RANBP17: variants seen among roughly 807,000 people sequenced by gnomAD.
RANBP17 encodes ran-binding protein 17.
In RANBP17, 158 loss-of-function variants were observed where a neutral mutation model predicts 141.2. The observed-to-expected ratio is 1.12, with a 90% CI of 0.98 to 1.28. The LOEUF is 1.28. Ranked by LOEUF, RANBP17 falls within the 50% of genes most tolerant of loss-of-function variation. The pLI, the probability that RANBP17 is intolerant of heterozygous loss-of-function variation, is 0.00. For missense variants in RANBP17, 1,438 were observed against 1,290.7 expected, an observed-to-expected ratio of 1.11 and a Z score of -1.75; for synonymous variants, 430 against 450.0, an observed-to-expected ratio of 0.96 and a Z score of 0.56.
intron 25 of RANBP17, 129 bp from the exon 26 acceptor site, chr5:171,293,754 G>T: frequency 1.4e-6 from 1 of 720,168 alleles, no homozygotes; most frequent in Non-Finnish European, 2.5e-6. Context: ...AGTCTAGTCC[G>T]TTTGTCCAGA....
chr5:171,243,636 C>G (rs747661755), intron 24 of RANBP17, among the ~76,000 whole-genome samples: 3 of 152,154 alleles, frequency 2.0e-5, no homozygotes, highest in Non-Finnish European at 4.4e-5. Context: ...ATTTTGCTGT[C>G]ACCAACAGTA....
intron 25 of RANBP17, among the ~76,000 whole-genome samples, chr5:171,272,331 C>T (rs1014728644): frequency 2.0e-5 from 3 of 151,844 alleles, no homozygotes; most frequent in Non-Finnish European, 4.4e-5. Flanking sequence ...TACATGTACC[C>T]CGAACCTAAA....
chr5:171,114,033 ATT>A (rs1287988742), intron 14 of RANBP17, among the ~76,000 whole-genome samples: 1 of 152,046 alleles, frequency 6.6e-6, no homozygotes, highest in African/African-American at 2.4e-5. Context: ...CATGCCATAC[ATT>A]TATTATTTTA....
intron 19 of RANBP17, among the ~76,000 whole-genome samples, chr5:171,201,061 A>G (rs1762267048): frequency 1.3e-5 from 2 of 152,232 alleles, no homozygotes. Flanking sequence ...GTTGAAAAAC[A>G]TCATCTTTAT....
chr5:171,063,782 C>A (rs2127678461), intron 14 of RANBP17, among the ~76,000 whole-genome samples: 1 of 152,340 alleles, frequency 6.6e-6, no homozygotes, highest in South Asian at 2.1e-4. Context: ...CCTACAGAGG[C>A]AGGCAGGCTT....
chr5:171,183,511 A>G, intron 18 of RANBP17, 81 bp downstream of exon 18: 1 of 862,672 alleles, frequency 1.2e-6, no homozygotes, highest in South Asian at 1.5e-5. Context: ...ACTAGTGGGT[A>G]CAACATTTAA....
Position 170,881,806 on chromosome 5 carries a change from A to G in RANBP17, c.166A>G (p.Thr56Ala), listed in dbSNP as rs369529326. 1.9e-6 allele frequency: 3 copies of G among 1,568,486 alleles called. No individual in the cohort carries two copies. Among genetic ancestry groups the G allele is most frequent in the African/African-American group, 2.7e-5 (2 of 73,438 alleles). The change falls in exon 3 of 28, where the codon ACA becomes GCA. Residue 56 changes from threonine (T) to alanine (A), a missense_variant and splice_region_variant. By Grantham distance (58) the Thr-to-Ala change is moderately conservative. Coordinates refer to ENST00000523189, the MANE Select transcript of RANBP17 (RefSeq NM_022897.5). The stretch of plus-strand genomic sequence containing the variant: ...TAATAAATAAAATTATTCTTTACAG[A>G]CATCCTATGCTCAGCTCCTTGCAGC... ...KCQLLLEQGT[T>A]SYAQLLAATC... is the part of the protein sequence containing the mutation.
intron 14 of RANBP17, among the ~76,000 whole-genome samples, chr5:171,120,632 G>T (rs2127772556): frequency 6.6e-6 from 1 of 152,230 alleles, no homozygotes; most frequent in East Asian, 1.9e-4. Flanking sequence ...TTCTTGAATT[G>T]TCTAGCTGTA....
chr5:171,184,530 AAG>A (rs35631674), intron 18 of RANBP17, among the ~76,000 whole-genome samples: 87,040 of 151,834 alleles, frequency 0.57, 25,938 homozygotes, highest in South Asian at 0.76. Flanking sequence ...TAGAAAGAAT[AAG>A]AGATCTGTTG....
chr5:171,033,808 A>G (rs1781698019), intron 14 of RANBP17, among the ~76,000 whole-genome samples: 2 of 152,120 alleles, frequency 1.3e-5, no homozygotes, highest in Admixed American at 6.6e-5. Context: ...CTGACTTTGG[A>G]GATAAGATTG....
At chr5:170,919,866 T>C (rs903730958) in intron 11 of RANBP17, among the ~76,000 whole-genome samples, 6 of 151,670 alleles carry the variant, frequency 4.0e-5, no homozygotes, top group Non-Finnish European at 8.8e-5. Context: ...CTGTTTTGTG[T>C]ACCTGTAATT....
intron 14 of RANBP17, among the ~76,000 whole-genome samples, chr5:171,000,753 AC>A (rs1779146382): frequency 2.0e-5 from 3 of 152,154 alleles, no homozygotes; most frequent in African/African-American, 4.8e-5. Flanking sequence ...GCAATGTTTT[AC>A]GGGCAGGGGG....
At chr5:171,276,625 T>G (rs193052130) in intron 25 of RANBP17, among the ~76,000 whole-genome samples, 221 of 152,274 alleles carry the variant, frequency 1.5e-3, no homozygotes, top group African/African-American at 5.2e-3. Context: ...TATCTACAGT[T>G]TAGCTATTAG....
At chr5:171,152,124 A>G (rs544079706) in intron 14 of RANBP17, among the ~76,000 whole-genome samples, 2 of 152,236 alleles carry the variant, frequency 1.3e-5, no homozygotes, top group Non-Finnish European at 2.9e-5. Flanking sequence ...AAAGGGCCCC[A>G]GAAGCTGGGC....
chr5:170,896,086 C>A lies in RANBP17; in HGVS notation c.460C>A (p.Leu154Ile). The change falls in exon 5 of 28, where the codon CTT (leucine) becomes ATT (isoleucine). Residue 154 changes from leucine (L) to isoleucine (I), a missense_variant. Leu to Ile is a conservative substitution (Grantham distance 5). Coordinates refer to ENST00000523189, the MANE Select transcript of RANBP17 (RefSeq NM_022897.5). ...VEHCIIGVII[L>I]SELTQEMNLV... ...ACACTGCATAATAGGAGTAATAATC[C>A]TTTCTGAATTGACTCAGGAAATGAA... 2 of 1,608,320 alleles carry A rather than the reference C, an allele frequency of 1.2e-6. No homozygotes were observed. Among genetic ancestry groups the A allele is most frequent in the Admixed American group, 3.4e-5 (2 of 59,126 alleles).
chr5:171,098,874 A>T (rs1786908458), intron 14 of RANBP17, among the ~76,000 whole-genome samples: 1 of 152,036 alleles, frequency 6.6e-6, no homozygotes, highest in South Asian at 2.1e-4. Context: ...TAAATAGGGA[A>T]TTCTTTCCCC....
rs146188368 is a variant in RANBP17, at chr5:170,961,588, G to A, written c.1575-6654G>A. Among the ~76,000 whole-genome samples the A allele has an allele frequency of 4.0e-3, 603 of 152,134 alleles. 2 individuals carry two copies. Among genetic ancestry groups the A allele is most frequent in the Non-Finnish European group, 6.6e-3 (449 of 68,002 alleles). On this transcript the variant is annotated intron_variant, in intron 13 of 27. Transcript: ENST00000523189. ...TTTGAGCATCAACATGAATCTCAAA[G>A]GTCATGCTTAAAGGAAATGCTCATT...
In RANBP17 at chr5:171,183,158, T is replaced by G. The variant is rs752574135; in HGVS notation, c.1866-9T>G. The G allele has an allele frequency of 6.4e-6, 9 of 1,412,252 alleles. No homozygotes were observed. In the African/African-American group the frequency reaches 1.3e-4, roughly 20 times the overall value. The allele number at this position is 1,412,252 out of a possible 1,614,324, so 87.5% of individuals were successfully genotyped here. ...AATATATTTCCTTAGATTCCTTAAC[T>G]TCTATTACTTATATCCTTTTAAAAA... On this transcript the variant is annotated splice_polypyrimidine_tract_variant and intron_variant, in intron 16 of 27. Coordinates refer to ENST00000523189, the MANE Select transcript of RANBP17 (RefSeq NM_022897.5).
intron 5 of RANBP17, among the ~76,000 whole-genome samples, chr5:170,903,329 T>TC (rs1374410536): frequency 6.6e-6 from 1 of 151,476 alleles, no homozygotes; most frequent in Non-Finnish European, 1.5e-5. Flanking sequence ...TGGACGCCCC[T>TC]CCCCCCACCA....
Sources: gnomAD v4.1 joint callset for allele counts (sites outside exome capture counted in the v4.1 genomes callset) on GRCh38, gnomAD v4.1.1 for gene constraint, MANE v1.5 for transcripts, NCBI Gene and HGNC (gene_info 2026-07-23, HGNC 2026-07-21) for gene names.